The following RBM46 variants were observed in gnomAD, a reference collection of about 807,000 sequenced individuals.
RBM46 encodes probable RNA-binding protein 46.
RBM46 carries 12 observed loss-of-function variants against 43.3 expected under a neutral mutation model. The observed-to-expected ratio is 0.28, with a 90% CI of 0.18 to 0.45. The LOEUF (loss-of-function observed/expected upper bound fraction) is 0.45. Among genes scored for constraint, RBM46 ranks in the 20% least tolerant of loss-of-function variants. The pLI, the probability that RBM46 is intolerant of heterozygous loss-of-function variation, is 1.00. For synonymous variants in RBM46, 205 were observed against 207.6 expected (o/e 0.99, Z 0.11); for missense variants, 412 against 639.1 (o/e 0.64, Z 3.83).
chr4:154,804,258 A>G (rs1734796034), intron 4 of RBM46, among the ~76,000 whole-genome samples: 1 of 152,222 alleles, frequency 6.6e-6, no homozygotes, highest in South Asian at 2.1e-4. Context: ...GTTAGAATAG[A>G]TAGGTTCTAT....
chr4:154,816,978 T>C (rs1330115338), intron 4 of RBM46, among the ~76,000 whole-genome samples: 1 of 152,190 alleles, frequency 6.6e-6, no homozygotes, highest in African/African-American at 2.4e-5. Context: ...TTGATTGATA[T>C]TTGAATGTTA....
At chr4:154,782,137 C>T (rs563982453) in intron 1 of RBM46, among the ~76,000 whole-genome samples, 1 of 152,324 alleles carries the variant, frequency 6.6e-6, no homozygotes, top group East Asian at 1.9e-4. Context: ...TAGCTCGCCT[C>T]TCCCCCGACA....
intron 1 of RBM46, among the ~76,000 whole-genome samples, chr4:154,784,064 A>G (rs1236475827): frequency 6.6e-6 from 1 of 152,242 alleles, no homozygotes; most frequent in African/African-American, 2.4e-5. Flanking sequence ...CAATGACAAC[A>G]GTGCTAACAA....
intron 1 of RBM46, among the ~76,000 whole-genome samples, chr4:154,789,940 A>G (rs965600839): frequency 9.2e-5 from 14 of 152,282 alleles, no homozygotes; most frequent in Admixed American, 7.8e-4. Flanking sequence ...CATTTCTTCT[A>G]GATTTTCTAG....
intron 4 of RBM46, among the ~76,000 whole-genome samples, chr4:154,816,655 TCTTC>T (rs1735458226): frequency 6.6e-6 from 1 of 152,140 alleles, no homozygotes; most frequent in South Asian, 2.1e-4. Flanking sequence ...AAGAGCTTTT[TCTTC>T]CTTTCCATCC....
At chr4:154,816,587 G>A (rs1353289750) in intron 4 of RBM46, among the ~76,000 whole-genome samples, 1 of 151,840 alleles carries the variant, frequency 6.6e-6, no homozygotes, top group Admixed American at 6.6e-5. Flanking sequence ...ACTTATTTGT[G>A]TCAAATAGTT....
At chr4:154,827,242 A>G (rs2111229323) in intron 4 of RBM46, 1 of 920,564 alleles carries the variant, frequency 1.1e-6, no homozygotes, top group East Asian at 1.2e-4. Context: ...TTTTGAAGTA[A>G]CTATAAGTTG....
intron 4 of RBM46, among the ~76,000 whole-genome samples, chr4:154,824,485 G>A (rs542688303): frequency 2.0e-5 from 3 of 152,110 alleles, no homozygotes; most frequent in African/African-American, 7.2e-5. Context: ...TGAAATTGAA[G>A]TATATTCACA....
chr4:154,807,186 T>C (rs1025510146), intron 4 of RBM46, among the ~76,000 whole-genome samples: 5 of 151,686 alleles, frequency 3.3e-5, no homozygotes, highest in African/African-American at 7.2e-5. Context: ...TTAGTAGCAG[T>C]TCATAATTTT....
chr4:154,803,168 C>A (rs1734721555), intron 4 of RBM46, among the ~76,000 whole-genome samples: 1 of 152,142 alleles, frequency 6.6e-6, no homozygotes, highest in African/African-American at 2.4e-5. Flanking sequence ...TCTTGGTTTA[C>A]AGGTCCTTAA....
chr4:154,789,244 G>T (rs988646600), intron 1 of RBM46, among the ~76,000 whole-genome samples: 4 of 152,114 alleles, frequency 2.6e-5, no homozygotes, highest in African/African-American at 9.7e-5. Flanking sequence ...GGGCATCCCT[G>T]TCTTGTGCCA....
intron 4 of RBM46, among the ~76,000 whole-genome samples, chr4:154,804,291 AT>A (rs1445376101): frequency 2.0e-5 from 3 of 152,186 alleles, no homozygotes; most frequent in Non-Finnish European, 4.4e-5. Flanking sequence ...CTATATGGAG[AT>A]ATCTTGGGTC....
At chr4:154,814,958 G>A (rs1225816764) in intron 4 of RBM46, among the ~76,000 whole-genome samples, 1 of 151,502 alleles carries the variant, frequency 6.6e-6, no homozygotes, top group Non-Finnish European at 1.5e-5. Context: ...ACTCACCACC[G>A]AGGTAAAGAC....
At chr4:154,797,017 A>T in intron 2 of RBM46, 114 bp downstream of exon 2, 1 of 782,500 alleles carries the variant, frequency 1.3e-6, no homozygotes, top group Non-Finnish European at 1.8e-6. Context: ...CTGCTTTAAG[A>T]CATTTTTTTT....
chr4:154,817,916 CT>C (rs977592822), intron 4 of RBM46, among the ~76,000 whole-genome samples: 3 of 151,982 alleles, frequency 2.0e-5, no homozygotes, highest in Admixed American at 6.6e-5. Flanking sequence ...AGTCCTTACT[CT>C]ATAAATGCCA....
At chr4:154,806,208 A>T (rs156588) in intron 4 of RBM46, among the ~76,000 whole-genome samples, 4,894 of 151,930 alleles carry the variant, frequency 0.032, 278 homozygotes, top group African/African-American at 0.11. Flanking sequence ...CTCATCTTAC[A>T]AACACTTGTA....
intron 4 of RBM46, among the ~76,000 whole-genome samples, chr4:154,810,025 G>A (rs1265488720): frequency 6.6e-6 from 1 of 152,070 alleles, no homozygotes; most frequent in Non-Finnish European, 1.5e-5. Flanking sequence ...AATTGGAAAG[G>A]ATTCAAAGGG....
At position 154,828,754 on chromosome 4, in the gene RBM46, CAT is replaced by C. The variant is rs546537027; in HGVS notation, c.*688_*689del. On this transcript the variant is annotated 3_prime_UTR_variant, in exon 5 of 5. Coordinates refer to ENST00000281722, the MANE Select transcript of RBM46 (RefSeq NM_144979.5). ...TGTTATGGGTTTTTAATGTTGAAATCATGTGTTAATTTTTGTACTTGAATTCA... is the reference window on the plus strand; with the variant it reads ...TGTTATGGGTTTTTAATGTTGAAATCGTGTTAATTTTTGTACTTGAATTCA... The C allele has an allele frequency of 2.6e-4, 40 of 152,414 alleles. No homozygotes were observed. Among genetic ancestry groups the C allele is most frequent in the African/African-American group, 6.3e-4 (26 of 41,368 alleles). 9.4% of individuals were successfully genotyped at this position (152,414 alleles called of 1,614,324 possible). A position where few individuals can be genotyped will look rare whatever the true frequency, so the allele number is the denominator to read the frequency against.
Position 154,826,719 on chromosome 4 carries a change from T to G in RBM46, c.1403-1149T>G, listed in dbSNP as rs1560917923. ...ATAATGCTGGAAATTAAACCTATAT[T>G]TAACTGATTTTCATTTTTCCTTTTT... is the stretch of plus-strand genomic sequence containing the variant. On this transcript the variant is annotated intron_variant, in intron 4 of 4. Coordinates refer to ENST00000281722, the MANE Select transcript of RBM46 (RefSeq NM_144979.5). The G allele has an allele frequency of 2.6e-6, 3 of 1,149,776 alleles. No homozygotes were observed. The Admixed American group carries it at 6.9e-5, about 27-fold the overall frequency. 71.2% of individuals were successfully genotyped at this position (1,149,776 alleles called of 1,614,324 possible).
Sources: allele counts gnomAD v4.1 joint callset (sites outside exome capture counted in the v4.1 genomes callset), GRCh38; gene constraint gnomAD v4.1.1; transcripts MANE v1.5; gene names NCBI Gene and HGNC (gene_info 2026-07-23, HGNC 2026-07-21).